The following SPAG17 variants were observed in gnomAD, a reference collection of about 807,000 sequenced individuals.
SPAG17 encodes sperm associated antigen 17, also known as sperm-associated antigen 17.
SPAG17 carries 169 observed loss-of-function variants against 273.6 expected under a neutral mutation model. That is an observed-to-expected ratio of 0.62 (90% CI 0.55 to 0.70). The LOEUF (loss-of-function observed/expected upper bound fraction) is 0.70. Ranked by LOEUF, SPAG17 falls within the 30% of genes least tolerant of loss-of-function variation. The pLI, the probability that SPAG17 is intolerant of heterozygous loss-of-function variation, is 0.00. For missense variants in SPAG17, 2,557 were observed against 2,627.8 expected (o/e 0.97, Z 0.59); for synonymous variants, 825 against 873.2 (o/e 0.94, Z 0.97).
At chr1:117,964,078 C>T (rs1396899752) in intron 47 of SPAG17, 140 bp from the exon 48 acceptor site, 3 of 911,634 alleles carry the variant, frequency 3.3e-6, no homozygotes, top group Non-Finnish European at 4.9e-6. Context: ...AATGCAAATT[C>T]TGCATGCTCA....
At chr1:118,116,044 T>C (rs997973834) in intron 3 of SPAG17, among the ~76,000 whole-genome samples, 6 of 152,128 alleles carry the variant, frequency 3.9e-5, no homozygotes, top group African/African-American at 9.7e-5. Context: ...TGAGTTTTCT[T>C]TGGGTGACGA....
intron 32 of SPAG17, among the ~76,000 whole-genome samples, chr1:117,998,691 G>A (rs1657932540): frequency 6.6e-6 from 1 of 152,024 alleles, no homozygotes; most frequent in African/African-American, 2.4e-5. Context: ...CCATGATCAT[G>A]GAATGTTTTC....
At chr1:118,018,172 A>T (rs1189153864) in intron 28 of SPAG17, among the ~76,000 whole-genome samples, 1 of 152,154 alleles carries the variant, frequency 6.6e-6, no homozygotes, top group Non-Finnish European at 1.5e-5. Flanking sequence ...TGTGGGACTT[A>T]GGCAGAAATG....
chr1:117,958,366 A>G (rs753547904), intron 48 of SPAG17, among the ~76,000 whole-genome samples: 3 of 152,210 alleles, frequency 2.0e-5, no homozygotes, highest in Non-Finnish European at 4.4e-5. Context: ...CTGCTATGGT[A>G]TACGTGCTAT....
chr1:118,184,216 A>C (rs1558068482), intron 1 of SPAG17, among the ~76,000 whole-genome samples: 1 of 152,124 alleles, frequency 6.6e-6, no homozygotes, highest in Non-Finnish European at 1.5e-5. Context: ...ATGAAAAAAA[A>C]ATTTTTTTTC....
chr1:118,062,035 C>G (rs1652352655), intron 18 of SPAG17, among the ~76,000 whole-genome samples: 1 of 152,018 alleles, frequency 6.6e-6, no homozygotes, highest in Non-Finnish European at 1.5e-5. Flanking sequence ...TATTATTTTA[C>G]AAGGCATATA....
At chr1:118,175,727 T>C (rs965009563) in intron 1 of SPAG17, among the ~76,000 whole-genome samples, 3 of 150,064 alleles carry the variant, frequency 2.0e-5, no homozygotes, top group African/African-American at 4.9e-5. Flanking sequence ...CTAAAGGGAG[T>C]TCTTTAATGT....
At position 118,074,531 on chromosome 1, in the gene SPAG17, T is replaced by A; in HGVS notation, c.2271+8A>T. 1 of 1,610,620 alleles carries A rather than the reference T, an allele frequency of 6.2e-7. No homozygotes were observed. The highest frequency in any genetic ancestry group is 8.5e-7 in the Non-Finnish European group (1 of 1,177,108). On this transcript the variant is annotated splice_region_variant and intron_variant, in intron 16 of 48. Transcript: ENST00000336338. ...GTCATCTACATTTTCAGAAAAATAA[T>A]TCCTTACCTTTTCATGAGAATCAGC...
At chr1:118,053,655 T>G (rs912291528) in intron 20 of SPAG17, among the ~76,000 whole-genome samples, 1 of 152,012 alleles carries the variant, frequency 6.6e-6, no homozygotes, top group South Asian at 2.1e-4. Context: ...TATAAAAATA[T>G]TCTAAGAGAA....
chr1:118,007,899 A>G (rs1393401083), intron 31 of SPAG17, 145 bp downstream of exon 31: 1 of 778,128 alleles, frequency 1.3e-6, no homozygotes, highest in African/African-American at 1.7e-5. Context: ...GAGTTTGAGA[A>G]GTATATTCTA....
At chr1:118,029,617 A>G (rs1244130964) in intron 25 of SPAG17, among the ~76,000 whole-genome samples, 5 of 152,184 alleles carry the variant, frequency 3.3e-5, no homozygotes, top group African/African-American at 7.2e-5. Context: ...TTACTTTAAA[A>G]TCCTAATTAA....
At chr1:118,049,417 A>T (rs1485046357) in intron 20 of SPAG17, among the ~76,000 whole-genome samples, 1 of 152,226 alleles carries the variant, frequency 6.6e-6, no homozygotes, top group Admixed American at 6.5e-5. Context: ...AGATGATTCA[A>T]CCTATTCAAG....
At chr1:118,008,300 C>G (rs368542535) in intron 30 of SPAG17, 102 bp from the exon 31 acceptor site, 25 of 1,366,176 alleles carry the variant, frequency 1.8e-5, no homozygotes, top group East Asian at 1.7e-4. Flanking sequence ...GTCTGGATTC[C>G]CCATGGAAAA....
intron 48 of SPAG17, among the ~76,000 whole-genome samples, chr1:117,958,345 A>AT (rs1367615278): frequency 2.0e-5 from 3 of 151,682 alleles, no homozygotes; most frequent in African/African-American, 4.8e-5. Context: ...GTTACTAACA[A>AT]TTTTTTTTTA....
intron 4 of SPAG17, among the ~76,000 whole-genome samples, chr1:118,114,758 A>G (rs1177242091): frequency 6.6e-6 from 1 of 152,224 alleles, no homozygotes; most frequent in Non-Finnish European, 1.5e-5. Context: ...TGGAAAGCAC[A>G]CAGATTGATT....
intron 7 of SPAG17, among the ~76,000 whole-genome samples, chr1:118,096,360 T>TC (rs1655703249): frequency 6.6e-6 from 1 of 151,612 alleles, no homozygotes; most frequent in Non-Finnish European, 1.5e-5. Context: ...CGGCTTTTTT[T>TC]TTTTTCTTGT....
At chr1:118,120,807 C>T (rs1657377161) in intron 3 of SPAG17, among the ~76,000 whole-genome samples, 1 of 152,178 alleles carries the variant, frequency 6.6e-6, no homozygotes, top group African/African-American at 2.4e-5. Flanking sequence ...TTTTTGCTTA[C>T]TAAATCCTTC....
chr1:118,098,491 A>AT lies in SPAG17; in HGVS notation c.830-641dup, dbSNP rs766584696. On this transcript the variant is annotated intron_variant, in intron 6 of 48. Transcript: ENST00000336338. ...ATCTCATTATTCTATTATAAAGTCT[A>AT]TTTTTTAATATTTTATTTTTATATA... Among the ~76,000 whole-genome samples the AT allele has an allele frequency of 2.7e-4, 41 of 151,782 alleles. No homozygotes were observed. In the East Asian group the frequency reaches 5.0e-3, roughly 19 times the overall value.
chr1:118,061,696 T>C (rs989306495), intron 18 of SPAG17, among the ~76,000 whole-genome samples: 3 of 152,212 alleles, frequency 2.0e-5, no homozygotes, highest in Non-Finnish European at 4.4e-5. Context: ...TTTAGTACCT[T>C]GGTTGTGGTG....
Sources: allele counts gnomAD v4.1 joint callset (sites outside exome capture counted in the v4.1 genomes callset), GRCh38; gene constraint gnomAD v4.1.1; transcripts MANE v1.5; gene names NCBI Gene and HGNC (gene_info 2026-07-23, HGNC 2026-07-21).